Variants in SYNPR observed in about 807,000 individuals in gnomAD.
SYNPR encodes the protein synaptoporin.
SYNPR carries 23 observed loss-of-function variants against 32.9 expected under a neutral mutation model. The observed-to-expected ratio is 0.70, with a 90% CI of 0.50 to 0.99. SYNPR has a LOEUF of 0.99. Ranked by LOEUF, SYNPR falls within the 50% of genes least tolerant of loss-of-function variation. The probability of loss-of-function intolerance (pLI) is 0.00; values close to 1 mark genes in which losing one functional copy is unlikely to be tolerated. For synonymous variants in SYNPR, 146 were observed against 135.9 expected (o/e 1.07, Z -0.52); for missense variants, 318 against 349.3 (o/e 0.91, Z 0.71).
At chr3:63,316,362 C>T (rs995852481) in intron 2 of SYNPR, among the ~76,000 whole-genome samples, 1 of 151,814 alleles carries the variant, frequency 6.6e-6, no homozygotes, top group African/African-American at 2.4e-5. Context: ...TCCATCTGGT[C>T]CTGGACTTTT....
At chr3:63,207,811 T>C in the SYNPR span, among the ~76,000 whole-genome samples, 1 of 152,164 alleles carries the variant, frequency 6.6e-6, no homozygotes, top group African/African-American at 2.4e-5. Flanking sequence ...TATTTTGATG[T>C]AAATCTCAGA....
chr3:63,313,318 C>T (rs997601802), intron 2 of SYNPR, among the ~76,000 whole-genome samples: 1 of 151,640 alleles, frequency 6.6e-6, no homozygotes, highest in Non-Finnish European at 1.5e-5. Context: ...ACCCTTCACT[C>T]GAGCAGTATA....
chr3:63,603,443 T>C (rs1232802714), intron 4 of SYNPR, among the ~76,000 whole-genome samples: 6 of 152,142 alleles, frequency 3.9e-5, no homozygotes, highest in Non-Finnish European at 7.4e-5. Flanking sequence ...GGAATACTTC[T>C]AGCTTTTGTA....
intron 4 of SYNPR, among the ~76,000 whole-genome samples, chr3:63,584,794 C>A (rs1049807774): frequency 6.6e-6 from 1 of 152,050 alleles, no homozygotes; most frequent in Non-Finnish European, 1.5e-5. Flanking sequence ...AATGGGGCCA[C>A]AGATTGTAGT....
chr3:63,219,663 C>T, the SYNPR span, among the ~76,000 whole-genome samples: 1 of 151,488 alleles, frequency 6.6e-6, no homozygotes, highest in Non-Finnish European at 1.5e-5. Context: ...TGTATTATCG[C>T]AATAAAGTAA....
intron 4 of SYNPR, among the ~76,000 whole-genome samples, chr3:63,589,626 C>T (rs1414759184): frequency 1.3e-5 from 2 of 150,994 alleles, no homozygotes; most frequent in African/African-American, 2.4e-5. Context: ...TGGGCTTCAT[C>T]CCTGGGATGC....
At chr3:63,518,313 G>T (rs535903658) in intron 3 of SYNPR, among the ~76,000 whole-genome samples, 1 of 152,104 alleles carries the variant, frequency 6.6e-6, no homozygotes, top group South Asian at 2.1e-4. Context: ...TGTTACCCAC[G>T]CCAAGCCTTG....
At chr3:63,205,559 G>A in the SYNPR span, among the ~76,000 whole-genome samples, 16 of 152,308 alleles carry the variant, frequency 1.1e-4, no homozygotes, top group East Asian at 1.5e-3. Context: ...GTTGGCTCTC[G>A]CCAAACAATG....
intron 2 of SYNPR, among the ~76,000 whole-genome samples, chr3:63,380,416 A>G (rs995103572): frequency 1.3e-5 from 2 of 152,056 alleles, no homozygotes; most frequent in Non-Finnish European, 2.9e-5. Context: ...TGTGGTTTTG[A>G]TTTGCACTTC....
chr3:63,551,761 C>A (rs962518047), intron 3 of SYNPR, among the ~76,000 whole-genome samples: 1 of 152,210 alleles, frequency 6.6e-6, no homozygotes, highest in Admixed American at 6.5e-5. Flanking sequence ...TCAAACTAGC[C>A]TCAGATTCCT....
chr3:63,449,001 C>T (rs1225878914), intron 2 of SYNPR, among the ~76,000 whole-genome samples: 1 of 152,070 alleles, frequency 6.6e-6, no homozygotes, highest in Non-Finnish European at 1.5e-5. Context: ...AAGCAGGGAG[C>T]TGGAAAAGAT....
chr3:63,295,496 C>G (rs1009802214), intron 2 of SYNPR, among the ~76,000 whole-genome samples: 1 of 152,040 alleles, frequency 6.6e-6, no homozygotes. Flanking sequence ...AATTCCGAAC[C>G]GCTCCCAGAG....
intron 2 of SYNPR, among the ~76,000 whole-genome samples, chr3:63,470,824 G>A (rs866395645): frequency 1.6e-4 from 25 of 152,274 alleles, no homozygotes; most frequent in African/African-American, 5.8e-4. Flanking sequence ...AAGACTGTAA[G>A]AATCAAAGAA....
chr3:63,434,815 G>A (rs1700051980), intron 2 of SYNPR, among the ~76,000 whole-genome samples: 1 of 152,144 alleles, frequency 6.6e-6, no homozygotes, highest in Non-Finnish European at 1.5e-5. Flanking sequence ...ATGTATCTCT[G>A]CTATTTTTGA....
chr3:63,476,663 A>G (rs17068658), intron 2 of SYNPR, among the ~76,000 whole-genome samples: 39,786 of 152,006 alleles, frequency 0.26, 5,381 homozygotes, highest in East Asian at 0.44. Context: ...GGAAGTCTAG[A>G]GACCCAGGAT....
intron 1 of SYNPR, among the ~76,000 whole-genome samples, chr3:63,239,028 G>T (rs1349188951): frequency 2.0e-5 from 3 of 152,030 alleles, no homozygotes; most frequent in Non-Finnish European, 2.9e-5. Flanking sequence ...TATTATTTTG[G>T]ATAATGAAAT....
At chr3:63,267,424 C>A (rs1253031093) in exon 3 of SYNPR, 1 of 152,236 alleles carries the variant, frequency 6.6e-6, no homozygotes, top group African/African-American at 2.4e-5. Flanking sequence ...AGCAGAATAA[C>A]CTTTGCTGAA....
intron 3 of SYNPR, among the ~76,000 whole-genome samples, chr3:63,496,269 A>G (rs1331223182): frequency 2.6e-5 from 4 of 152,128 alleles, no homozygotes; most frequent in Non-Finnish European, 5.9e-5. Context: ...CATTTTTATA[A>G]TTTTGATGTA....
At chr3:63,581,066 C>T (rs1331315145) in intron 4 of SYNPR, among the ~76,000 whole-genome samples, 1 of 152,078 alleles carries the variant, frequency 6.6e-6, no homozygotes, top group Non-Finnish European at 1.5e-5. Context: ...AACCCCTGTA[C>T]TCTACACTCT....
Sources: allele counts gnomAD v4.1 joint callset (sites outside exome capture counted in the v4.1 genomes callset), GRCh38; gene constraint gnomAD v4.1.1; transcripts MANE v1.5; gene names NCBI Gene and HGNC (gene_info 2026-07-23, HGNC 2026-07-21).